The following MICAL2 variants were observed in gnomAD, a reference collection of about 807,000 sequenced individuals.
MICAL2 encodes the protein microtubule associated monooxygenase, calponin and LIM domain containing 2, also known as [F-actin]-monooxygenase MICAL2.
A neutral mutation model predicts 127.3 loss-of-function variants in MICAL2; 77 were observed. The observed-to-expected ratio is 0.60, with a 90% CI of 0.50 to 0.73. The LOEUF (loss-of-function observed/expected upper bound fraction) is 0.73, where lower values mean the gene tolerates loss of function less well. MICAL2 is among the 30% of genes least tolerant of loss of function. The probability of loss-of-function intolerance (pLI) is 0.00; values close to 1 mark genes in which losing one functional copy is unlikely to be tolerated. For missense variants in MICAL2, 1,351 were observed against 1,434.4 expected (o/e 0.94, Z 0.94); for synonymous variants, 570 against 551.1 (o/e 1.03, Z -0.48).
chr11:12,240,992 T>C (rs1420293396), intron 17 of MICAL2, 48 bp from the exon 18 acceptor site: 2 of 1,603,422 alleles, frequency 1.2e-6, no homozygotes, highest in Non-Finnish European at 1.7e-6. Context: ...CACCTTTTCC[T>C]TCATGTCTCC....
At position 12,239,567 on chromosome 11, in the gene MICAL2, C is replaced by T; in HGVS notation, c.2196C>T (p.Asn732=). The change falls in exon 17 of 28, where the codon AAC becomes AAT. Residue 732 remains asparagine, a synonymous_variant. Transcript: ENST00000683283. ...CCAAGTTTGAGGAGAGCACTCGGAA[C>T]CCCTCACTCATGAAGCAGGTGAGTC... The part of the protein sequence containing the change: ...LLAKFEESTR[N]PSLMKQERRV... The T allele has an allele frequency of 1.9e-6, 3 of 1,614,178 alleles. No homozygotes were observed. Among genetic ancestry groups the T allele is most frequent in the Non-Finnish European group, 2.5e-6 (3 of 1,180,026 alleles).
chr11:12,294,742 G>A (rs760855916), downstream of MICAL2: 71 of 1,613,580 alleles, frequency 4.4e-5, no homozygotes, highest in South Asian at 9.9e-5. Context: ...AAGATAGTGC[G>A]CAGGCCCTGG....
intron 3 of MICAL2, among the ~76,000 whole-genome samples, chr11:12,194,016 C>T (rs138826494): frequency 2.8e-3 from 429 of 152,348 alleles, no homozygotes; most frequent in African/African-American, 9.9e-3. Context: ...AGTGAATATA[C>T]TTCAAGCAGG....
chr11:12,275,075 G>A (rs571045209), upstream of MICAL2, among the ~76,000 whole-genome samples: 10 of 152,262 alleles, frequency 6.6e-5, no homozygotes, highest in South Asian at 6.2e-4. Flanking sequence ...AGGATTTGCC[G>A]ATGACTTGAA....
chr11:12,355,766 A>G (rs1939118991), intron 34 of MICAL2, among the ~76,000 whole-genome samples: 1 of 152,240 alleles, frequency 6.6e-6, no homozygotes, highest in East Asian at 1.9e-4. Context: ...ATTTAGGAAC[A>G]GATCACAGAT....
chr11:12,318,595 T>C (rs1295548092), intron 29 of MICAL2, among the ~76,000 whole-genome samples: 1 of 152,120 alleles, frequency 6.6e-6, no homozygotes, highest in Admixed American at 6.5e-5. Context: ...TGGAGGTGCT[T>C]CTCCTTTCCC....
intron 29 of MICAL2, among the ~76,000 whole-genome samples, chr11:12,306,322 T>A (rs1864108467): frequency 6.6e-6 from 1 of 152,174 alleles, no homozygotes. Flanking sequence ...TTTCTTGTGG[T>A]TGCATTATTC....
At chr11:12,294,355 C>T (rs1414067880), downstream of MICAL2, 3 of 1,614,218 alleles carry the variant, frequency 1.9e-6, no homozygotes, top group South Asian at 2.2e-5. Flanking sequence ...CACAGGCCTG[C>T]ACTCGCTCAT....
chr11:12,335,183 T>G (rs181067291), intron 32 of MICAL2, among the ~76,000 whole-genome samples: 1,625 of 150,308 alleles, frequency 0.011, 42 homozygotes, highest in African/African-American at 0.038. Flanking sequence ...TGGTTTTGAT[T>G]TGCATTTCTC....
At chr11:12,188,711 C>T (rs1418031221) in intron 3 of MICAL2, among the ~76,000 whole-genome samples, 3 of 152,086 alleles carry the variant, frequency 2.0e-5, no homozygotes, top group African/African-American at 4.8e-5. Flanking sequence ...ATACCTGTGA[C>T]CCTGGGCAGG....
At chr11:12,295,987 T>A (rs887792052), downstream of MICAL2, among the ~76,000 whole-genome samples, 2 of 152,290 alleles carry the variant, frequency 1.3e-5, no homozygotes, top group Admixed American at 6.5e-5. Context: ...GTAGGCTTTT[T>A]AAATAATTTA....
chr11:12,172,950 C>T (rs1247668495), intron 3 of MICAL2, among the ~76,000 whole-genome samples: 3 of 152,086 alleles, frequency 2.0e-5, no homozygotes, highest in South Asian at 4.2e-4. Context: ...AACATATATC[C>T]CGATACAAAT....
intron 1 of MICAL2, chr11:12,121,523 C>T (rs1057123989): frequency 6.6e-6 from 1 of 152,374 alleles, no homozygotes; most frequent in Non-Finnish European, 1.5e-5. Context: ...ACCTGAATAT[C>T]CCCTTCAAGT....
rs189934243 is a variant in MICAL2, at chr11:12,339,164, T to G, written c.5516-10674T>G. Reference sequence around the variant, plus strand: ...AGGCTTTGTTCATTTCTTTTTACTCTTTTTTCTCTAAACTTCTCACTTCAT... The same window carrying G: ...AGGCTTTGTTCATTTCTTTTTACTCGTTTTTCTCTAAACTTCTCACTTCAT... On this transcript the variant is annotated intron_variant, in intron 32 of 34. Coordinates refer to the MICAL2 transcript ENST00000646065. Among the ~76,000 whole-genome samples the G allele has an allele frequency of 8.0e-3, 1,213 of 152,350 alleles. 24 individuals carry two copies. The highest frequency in any genetic ancestry group is 0.028 in the African/African-American group (1,165 of 41,564).
rs200754218 is a variant in MICAL2, at chr11:12,330,900, A to AGTGTGTGTGTGT, written c.5515+3655_5515+3666dup. Among the ~76,000 whole-genome samples the AGTGTGTGTGTGT allele has an allele frequency of 3.8e-4, 45 of 119,422 alleles. 1 individual carries two copies. The highest frequency in any genetic ancestry group is 6.1e-4 in the South Asian group (2 of 3,288). The allele number at this position is 119,422 out of a possible 152,430, so 78.3% of individuals were successfully genotyped here. On this transcript the variant is annotated intron_variant, in intron 32 of 34. Transcript: ENST00000646065. ...GAGAGAGACAGAGAGAGAGAGAGAG[A>AGTGTGTGTGTGT]GTGTGTGTGTGTGTGTGTGTGTGTG...
At chr11:12,151,328 A>G (rs900358282) in intron 2 of MICAL2, among the ~76,000 whole-genome samples, 5 of 152,160 alleles carry the variant, frequency 3.3e-5, no homozygotes, top group Admixed American at 2.0e-4. Context: ...ATGTAAAATG[A>G]CGGACCCGGT....
intron 3 of MICAL2, chr11:12,197,357 A>T (rs1377472701): frequency 1.3e-5 from 2 of 152,272 alleles, no homozygotes; most frequent in Admixed American, 1.3e-4. Context: ...GATTGTAAGA[A>T]CGATGCAGGA....
chr11:12,333,918 G>A (rs1373499636), intron 32 of MICAL2, among the ~76,000 whole-genome samples: 7 of 152,122 alleles, frequency 4.6e-5, no homozygotes, highest in Non-Finnish European at 1.0e-4. Context: ...TAAGCCATCA[G>A]TAGCATTAGA....
At chr11:12,213,793 T>A (rs1326061028) in intron 7 of MICAL2, among the ~76,000 whole-genome samples, 1 of 152,164 alleles carries the variant, frequency 6.6e-6, no homozygotes, top group Non-Finnish European at 1.5e-5. Context: ...GAGGTCAGCA[T>A]GATATTTAGG....
Sources: allele counts gnomAD v4.1 joint callset (sites outside exome capture counted in the v4.1 genomes callset), GRCh38; gene constraint gnomAD v4.1.1; transcripts MANE v1.5; gene names NCBI Gene and HGNC (gene_info 2026-07-23, HGNC 2026-07-21).